GSK3B: variants seen among roughly 807,000 people sequenced by gnomAD.
GSK3B encodes the protein glycogen synthase kinase-3 beta.
GSK3B carries 15 observed loss-of-function variants against 56.4 expected under a neutral mutation model. The ratio of observed to expected loss-of-function variants is 0.27; its 90% confidence interval spans 0.18 to 0.41. GSK3B has a LOEUF of 0.41. Ranked by LOEUF, GSK3B falls within the 10% of genes least tolerant of loss-of-function variation. The pLI is 1.00. For missense variants in GSK3B, 300 were observed against 513.4 expected (o/e 0.58, Z 4.02); for synonymous variants, 181 against 188.9 (o/e 0.96, Z 0.34).
intron 2 of GSK3B, among the ~76,000 whole-genome samples, chr3:119,962,903 C>A (rs2057285850): frequency 1.3e-5 from 2 of 152,182 alleles, no homozygotes; most frequent in South Asian, 4.1e-4. Flanking sequence ...CTATGGGAAT[C>A]TAATGCTGCT....
chr3:119,943,222 T>C (rs1413541661), intron 3 of GSK3B, among the ~76,000 whole-genome samples: 1 of 152,228 alleles, frequency 6.6e-6, no homozygotes, highest in Non-Finnish European at 1.5e-5. Context: ...ATGTAAAACA[T>C]GCCTGTTATT....
chr3:119,972,981 A>G (rs1265884910), intron 2 of GSK3B, among the ~76,000 whole-genome samples: 1 of 152,184 alleles, frequency 6.6e-6, no homozygotes, highest in African/African-American at 2.4e-5. Context: ...TATAATTTAG[A>G]AAAAGATCAG....
chr3:119,942,359 G>A (rs1318067497), intron 3 of GSK3B, among the ~76,000 whole-genome samples: 1 of 151,880 alleles, frequency 6.6e-6, no homozygotes, highest in Non-Finnish European at 1.5e-5. Context: ...AGTACAATGG[G>A]GCAATCTCGG....
intron 1 of GSK3B, among the ~76,000 whole-genome samples, chr3:120,082,706 T>A (rs1254876508): frequency 6.6e-6 from 1 of 152,100 alleles, no homozygotes; most frequent in Non-Finnish European, 1.5e-5. Context: ...CAAATTAGTA[T>A]GTTCTTTAAG....
chr3:120,084,136 T>C (rs879356630), intron 1 of GSK3B, among the ~76,000 whole-genome samples: 4 of 152,210 alleles, frequency 2.6e-5, no homozygotes, highest in Non-Finnish European at 4.4e-5. Flanking sequence ...AATAAAGCTA[T>C]TCTCATAAGG....
chr3:120,012,306 C>T (rs1477675880), intron 1 of GSK3B, among the ~76,000 whole-genome samples: 1 of 152,184 alleles, frequency 6.6e-6, no homozygotes, highest in Non-Finnish European at 1.5e-5. Context: ...AAACTAGAAA[C>T]TGTAACAAAT....
At chr3:120,086,948 A>G (rs187215115) in intron 1 of GSK3B, among the ~76,000 whole-genome samples, 235 of 152,338 alleles carry the variant, frequency 1.5e-3, no homozygotes, top group Non-Finnish European at 2.6e-3. Context: ...TTTCAGTAGC[A>G]TAATGCTTAA....
At chr3:120,079,305 TACACACACACACACACACACACAC>T (rs61338597) in intron 1 of GSK3B, among the ~76,000 whole-genome samples, 5 of 128,482 alleles carry the variant, frequency 3.9e-5, no homozygotes, top group Non-Finnish European at 4.8e-5. Flanking sequence ...GACAGGAAAT[TACACACACACACACACACACACAC>T]ACACACACAC....
chr3:119,951,954 T>TA (rs536904299), intron 2 of GSK3B, among the ~76,000 whole-genome samples: 5,472 of 141,568 alleles, frequency 0.039, 114 homozygotes, highest in Non-Finnish European at 0.057. Context: ...GAGATGGCAT[T>TA]AAAAAAAAAA....
chr3:120,002,336 T>A (rs2057686631), intron 1 of GSK3B, 97 bp from the exon 2 acceptor site: 1 of 568,282 alleles, frequency 1.8e-6, no homozygotes, highest in African/African-American at 2.0e-5. Flanking sequence ...TTCTTTATTT[T>A]TTATTTTATT....
intron 10 of GSK3B, among the ~76,000 whole-genome samples, chr3:119,831,386 G>A (rs947453244): frequency 3.9e-5 from 6 of 152,070 alleles, no homozygotes; most frequent in African/African-American, 7.2e-5. Context: ...GGCCGGGCGC[G>A]GTGGCTCATG....
chr3:120,002,606 G>A (rs1052623098), intron 1 of GSK3B, among the ~76,000 whole-genome samples: 1 of 152,120 alleles, frequency 6.6e-6, no homozygotes, highest in African/African-American at 2.4e-5. Context: ...CCAAAGTGCT[G>A]GGATTACAGG....
chr3:119,954,585 ATT>A (rs2057194023), intron 2 of GSK3B, among the ~76,000 whole-genome samples: 1 of 152,234 alleles, frequency 6.6e-6, no homozygotes, highest in African/African-American at 2.4e-5. Flanking sequence ...CTTACTAATC[ATT>A]CTCAACTTAT....
chr3:119,859,473 A>G (rs1043673254), intron 9 of GSK3B, among the ~76,000 whole-genome samples: 2 of 152,228 alleles, frequency 1.3e-5, no homozygotes, highest in Admixed American at 6.5e-5. Flanking sequence ...GATTTTATAA[A>G]TAAGTAGCCT....
chr3:120,003,709 T>C (rs1179849924), intron 1 of GSK3B, among the ~76,000 whole-genome samples: 2 of 152,252 alleles, frequency 1.3e-5, no homozygotes, highest in Non-Finnish European at 2.9e-5. Flanking sequence ...AGTATTAATA[T>C]ACACAAAAGC....
chr3:120,054,161 A>G lies in GSK3B; in HGVS notation c.88+39186T>C, dbSNP rs892813480. ...TTTACAAAAAGAGCAAACAAGAAGC[A>G]TAAAAAACATTTCTCTAGAAAGTTC... On this transcript the variant is annotated intron_variant, in intron 1 of 10. Transcript: ENST00000264235. Among the ~76,000 whole-genome samples, 23 of 152,256 alleles carry G rather than the reference A, an allele frequency of 1.5e-4. 1 individual carries two copies. The highest frequency in any genetic ancestry group is 1.2e-3 in the Admixed American group (18 of 15,290).
intron 2 of GSK3B, among the ~76,000 whole-genome samples, chr3:119,990,998 T>C (rs1240033691): frequency 2.0e-5 from 3 of 152,168 alleles, no homozygotes; most frequent in South Asian, 2.1e-4. Flanking sequence ...ACAATAGTGA[T>C]ACCTCACATC....
intron 2 of GSK3B, among the ~76,000 whole-genome samples, chr3:119,980,350 C>T (rs1473791171): frequency 6.6e-6 from 1 of 152,066 alleles, no homozygotes; most frequent in Admixed American, 6.6e-5. Flanking sequence ...ATCATCTTTG[C>T]TTGTGTCATT....
At chr3:119,856,781 T>C (rs1460670728) in intron 9 of GSK3B, among the ~76,000 whole-genome samples, 3 of 152,162 alleles carry the variant, frequency 2.0e-5, no homozygotes, top group African/African-American at 7.2e-5. Flanking sequence ...CCTACACACA[T>C]CAAGAGTTCC....
Sources: gnomAD v4.1 joint callset for allele counts (sites outside exome capture counted in the v4.1 genomes callset) on GRCh38, gnomAD v4.1.1 for gene constraint, MANE v1.5 for transcripts, NCBI Gene and HGNC (gene_info 2026-07-23, HGNC 2026-07-21) for gene names.